Variants in XPR1 observed in about 807,000 individuals in gnomAD.
XPR1 encodes xenotropic and polytropic retrovirus receptor 1, also known as solute carrier family 53 member 1.
A neutral mutation model predicts 87.5 loss-of-function variants in XPR1; 28 were observed. The observed-to-expected ratio is 0.32, with a 90% confidence interval of 0.24 to 0.44. The LOEUF (loss-of-function observed/expected upper bound fraction) is 0.44. Among genes scored for constraint, XPR1 ranks in the 20% least tolerant of loss-of-function variants. The pLI, the probability that XPR1 is intolerant of heterozygous loss-of-function variation, is 1.00. For synonymous variants in XPR1, 300 were observed against 306.1 expected, an observed-to-expected ratio of 0.98 and a Z score of 0.21; for missense variants, 559 against 862.3, an observed-to-expected ratio of 0.65 and a Z score of 4.41.
At chr1:180,664,774 G>A (rs914829436) in intron 1 of XPR1, among the ~76,000 whole-genome samples, 1 of 152,164 alleles carries the variant, frequency 6.6e-6, no homozygotes, top group Non-Finnish European at 1.5e-5. Context: ...TTAGCACCAG[G>A]GGCTGGTTTC....
intron 6 of XPR1, among the ~76,000 whole-genome samples, 169 bp from the exon 7 acceptor site, chr1:180,811,235 GTAT>G (rs766334623): frequency 9.2e-5 from 14 of 152,044 alleles, no homozygotes; most frequent in Non-Finnish European, 1.6e-4. Context: ...AACTTGAATA[GTAT>G]TATAGGATGA....
intron 7 of XPR1, among the ~76,000 whole-genome samples, chr1:180,812,119 T>G (rs1431731216): frequency 6.6e-6 from 1 of 150,984 alleles, no homozygotes; most frequent in East Asian, 1.9e-4. Context: ...CACCACTTCT[T>G]GAAACACTTT....
At chr1:180,883,707 CAAA>C (rs35119730) in intron 14 of XPR1, among the ~76,000 whole-genome samples, 1 of 133,070 alleles carries the variant, frequency 7.5e-6, no homozygotes. Context: ...GACTCTGTCT[CAAA>C]AAAAAAAAAA....
chr1:180,875,204 T>A (rs1652621953), intron 13 of XPR1, among the ~76,000 whole-genome samples: 1 of 152,168 alleles, frequency 6.6e-6, no homozygotes, highest in Admixed American at 6.5e-5. Context: ...AAAATTGTAA[T>A]GCAAATTTTA....
chr1:180,866,810 A>AT (rs1558044916), intron 12 of XPR1, among the ~76,000 whole-genome samples: 30 of 112,756 alleles, frequency 2.7e-4, no homozygotes, highest in African/African-American at 1.0e-3. Flanking sequence ...TTTTTTTTTT[A>AT]ATTTTTTTTT....
intron 2 of XPR1, among the ~76,000 whole-genome samples, chr1:180,736,617 C>T (rs960196261): frequency 6.6e-6 from 1 of 152,142 alleles, no homozygotes; most frequent in Non-Finnish European, 1.5e-5. Context: ...ATGTCAGGCA[C>T]TGAGCTAAAT....
At chr1:180,795,571 A>T (rs1400473104) in intron 3 of XPR1, among the ~76,000 whole-genome samples, 1 of 152,178 alleles carries the variant, frequency 6.6e-6, no homozygotes, top group Non-Finnish European at 1.5e-5. Context: ...AGTTGTTAGG[A>T]CATAAATACT....
chr1:180,643,802 G>A (rs984449210), intron 1 of XPR1, among the ~76,000 whole-genome samples: 3 of 152,030 alleles, frequency 2.0e-5, no homozygotes, highest in African/African-American at 7.2e-5. Context: ...TTTGAAATTT[G>A]GTAGAACTAT....
intron 11 of XPR1, among the ~76,000 whole-genome samples, chr1:180,849,580 A>G (rs1301868731): frequency 6.6e-6 from 1 of 152,228 alleles, no homozygotes; most frequent in Non-Finnish European, 1.5e-5. Flanking sequence ...TGTTGTAAAC[A>G]GATGTGGTGT....
At chr1:180,759,348 C>G (rs1418833987) in intron 2 of XPR1, among the ~76,000 whole-genome samples, 1 of 151,980 alleles carries the variant, frequency 6.6e-6, no homozygotes, top group Non-Finnish European at 1.5e-5. Flanking sequence ...GAAAGATCAA[C>G]AAAATCGATA....
At chr1:180,720,825 T>C (rs983460717) in intron 2 of XPR1, among the ~76,000 whole-genome samples, 1 of 152,212 alleles carries the variant, frequency 6.6e-6, no homozygotes, top group Non-Finnish European at 1.5e-5. Context: ...ATTTTGTGTA[T>C]GCTTTCTATT....
intron 1 of XPR1, among the ~76,000 whole-genome samples, chr1:180,672,030 G>T (rs1477068960): frequency 2.6e-5 from 4 of 152,268 alleles, no homozygotes; most frequent in Non-Finnish European, 4.4e-5. Context: ...TTCTGAGTTT[G>T]TGTTATCAGA....
chr1:180,647,422 T>TGA (rs1028276088), intron 1 of XPR1, among the ~76,000 whole-genome samples: 3 of 152,378 alleles, frequency 2.0e-5, no homozygotes, highest in African/African-American at 7.2e-5. Context: ...TATAATCTTA[T>TGA]GAGACCACTG....
At chr1:180,812,587 G>A (rs868220721) in intron 7 of XPR1, among the ~76,000 whole-genome samples, 5 of 150,360 alleles carry the variant, frequency 3.3e-5, no homozygotes, top group Middle Eastern at 3.6e-3. Context: ...TTCAAACCAT[G>A]TTCTAAATGT....
At chr1:180,838,239 T>C (rs1651375104) in intron 11 of XPR1, among the ~76,000 whole-genome samples, 2 of 152,174 alleles carry the variant, frequency 1.3e-5, no homozygotes, top group Non-Finnish European at 2.9e-5. Flanking sequence ...GAAAATATCT[T>C]TCCTGTTCAT....
At chr1:180,764,358 CCAAAAAAATT>C (rs1448045147) in intron 2 of XPR1, among the ~76,000 whole-genome samples, 1 of 151,682 alleles carries the variant, frequency 6.6e-6, no homozygotes, top group Non-Finnish European at 1.5e-5. Context: ...ATTCCAAAAT[CCAAAAAAATT>C]CCAAACCTGA....
chr1:180,806,010 C>T, intron 4 of XPR1, 52 bp from the exon 5 acceptor site: 1 of 1,577,284 alleles, frequency 6.3e-7, no homozygotes, highest in South Asian at 1.2e-5. Flanking sequence ...TCTTTTTCAT[C>T]ATTTTTGATG....
intron 2 of XPR1, among the ~76,000 whole-genome samples, chr1:180,683,886 C>T (rs1656673629): frequency 6.6e-6 from 1 of 151,910 alleles, no homozygotes; most frequent in South Asian, 2.1e-4. Flanking sequence ...GAGCAGGTTG[C>T]AAAAATTTTC....
chr1:180,853,419 T>C (rs751519310), intron 11 of XPR1, among the ~76,000 whole-genome samples: 9 of 152,226 alleles, frequency 5.9e-5, no homozygotes, highest in Admixed American at 1.3e-4. Flanking sequence ...GTTTCCTGTA[T>C]CTTTGGTGAG....
Sources: allele counts gnomAD v4.1 joint callset (sites outside exome capture counted in the v4.1 genomes callset), GRCh38; gene constraint gnomAD v4.1.1; transcripts MANE v1.5; gene names NCBI Gene and HGNC (gene_info 2026-07-23, HGNC 2026-07-21).